Variants in RNF220 observed in about 807,000 individuals in gnomAD.
The protein encoded by RNF220 is E3 ubiquitin-protein ligase RNF220.
A neutral mutation model predicts 67.1 loss-of-function variants in RNF220; 7 were observed. That is an observed-to-expected ratio of 0.10 (90% confidence interval 0.06 to 0.20). The LOEUF (loss-of-function observed/expected upper bound fraction) is 0.20. Ranked by LOEUF, RNF220 falls within the 10% of genes least tolerant of loss-of-function variation. RNF220 has a pLI of 1.00. For missense variants in RNF220, 565 were observed against 740.3 expected, an observed-to-expected ratio of 0.76 and a Z score of 2.75; for synonymous variants, 270 against 283.2, an observed-to-expected ratio of 0.95 and a Z score of 0.47.
chr1:44,454,055 A>G (rs1652937053), intron 2 of RNF220, among the ~76,000 whole-genome samples: 1 of 152,086 alleles, frequency 6.6e-6, no homozygotes, highest in African/African-American at 2.4e-5. Context: ...GAGTCAAAAC[A>G]TCTTAGTATC....
At chr1:44,444,928 A>G (rs1651928387) in intron 2 of RNF220, among the ~76,000 whole-genome samples, 1 of 152,230 alleles carries the variant, frequency 6.6e-6, no homozygotes, top group Non-Finnish European at 1.5e-5. Flanking sequence ...CTTCAACTTT[A>G]CTAGCTAATG....
At chr1:44,590,412 G>A (rs939216025) in intron 2 of RNF220, among the ~76,000 whole-genome samples, 4 of 152,158 alleles carry the variant, frequency 2.6e-5, no homozygotes, top group African/African-American at 4.8e-5. Context: ...CATCCTTCAC[G>A]GGGCTTCCTC....
At chr1:44,456,571 C>T (rs759341476) in intron 2 of RNF220, among the ~76,000 whole-genome samples, 62 of 152,080 alleles carry the variant, frequency 4.1e-4, no homozygotes, top group Non-Finnish European at 6.0e-4. Context: ...AGACCAAGTC[C>T]CTGTCCTCAA....
intron 2 of RNF220, among the ~76,000 whole-genome samples, chr1:44,465,298 A>T (rs1654172354): frequency 6.6e-6 from 1 of 152,080 alleles, no homozygotes. Context: ...TAGTCACAAT[A>T]ATCCTTCCCA....
chr1:44,520,724 C>T (rs1326298212), intron 2 of RNF220, among the ~76,000 whole-genome samples: 2 of 152,168 alleles, frequency 1.3e-5, no homozygotes, highest in Non-Finnish European at 2.9e-5. Context: ...ATTATAATTC[C>T]TGTTTTTCTC....
At chr1:44,426,556 A>G (rs1216449289) in intron 2 of RNF220, among the ~76,000 whole-genome samples, 2 of 152,026 alleles carry the variant, frequency 1.3e-5, no homozygotes, top group Admixed American at 6.5e-5. Flanking sequence ...GCAAAACCCC[A>G]TCTCTACTAA....
intron 2 of RNF220, among the ~76,000 whole-genome samples, chr1:44,462,639 T>C (rs1653890537): frequency 6.6e-6 from 1 of 152,112 alleles, no homozygotes; most frequent in African/African-American, 2.4e-5. Flanking sequence ...TCAACAATGG[T>C]AGAAAAAAGA....
intron 2 of RNF220, among the ~76,000 whole-genome samples, chr1:44,420,635 G>A (rs756220963): frequency 2.8e-4 from 43 of 152,256 alleles, no homozygotes; most frequent in Non-Finnish European, 5.6e-4. Context: ...CAAAGGTGGG[G>A]AGGCAATGTA....
chr1:44,576,642 T>G (rs1312757768), intron 2 of RNF220, among the ~76,000 whole-genome samples: 1 of 151,970 alleles, frequency 6.6e-6, no homozygotes, highest in Non-Finnish European at 1.5e-5. Flanking sequence ...GCTGAGCAGC[T>G]GGGCTCCATC....
chr1:44,541,028 AT>A (rs1331796645), intron 2 of RNF220, among the ~76,000 whole-genome samples: 1 of 152,174 alleles, frequency 6.6e-6, no homozygotes, highest in Non-Finnish European at 1.5e-5. Flanking sequence ...TTTCCCTTAG[AT>A]TCTTTCACTT....
At chr1:44,627,232 C>T (rs1267973604) in intron 5 of RNF220, among the ~76,000 whole-genome samples, 4 of 150,030 alleles carry the variant, frequency 2.7e-5, no homozygotes, top group African/African-American at 9.9e-5. Flanking sequence ...GTAATCCCAG[C>T]TACTCCGGAG....
intron 2 of RNF220, among the ~76,000 whole-genome samples, chr1:44,500,000 C>T (rs1017814305): frequency 1.9e-5 from 1 of 51,616 alleles, no homozygotes; most frequent in African/African-American, 4.6e-5. Context: ...TTCTCTCCAT[C>T]TCTACCACAT....
chr1:44,610,311 CG>C (rs1643228728), intron 2 of RNF220, among the ~76,000 whole-genome samples: 3 of 152,184 alleles, frequency 2.0e-5, no homozygotes, highest in African/African-American at 7.2e-5. Context: ...AGGCAGCGCC[CG>C]GGGATTAGCA....
At chr1:44,540,797 T>G (rs1047599717) in intron 2 of RNF220, among the ~76,000 whole-genome samples, 1 of 152,156 alleles carries the variant, frequency 6.6e-6, no homozygotes, top group Non-Finnish European at 1.5e-5. Context: ...CCAGTGTCTC[T>G]GTCCAGAACC....
intron 6 of RNF220, among the ~76,000 whole-genome samples, chr1:44,634,985 C>T (rs1644282553): frequency 6.6e-6 from 1 of 152,150 alleles, no homozygotes; most frequent in Admixed American, 6.5e-5. Context: ...TCAGTCTCCT[C>T]TTCTGTGAAA....
Position 44,459,186 on chromosome 1 carries a change from G to T in RNF220, c.625+46464G>T, listed in dbSNP as rs1260000835. Among the ~76,000 whole-genome samples the T allele has an allele frequency of 8.6e-5, 13 of 151,456 alleles. No homozygotes were observed. The Middle Eastern group carries it at 0.01, about 122-fold the overall frequency. ...TTTACCATGGTGATTCTTTTGGTGG[G>T]TTTTTTTTTAATTTCAAGGTTTTTC... On this transcript the variant is annotated intron_variant, in intron 2 of 14. Coordinates refer to ENST00000361799, the MANE Select transcript of RNF220 (RefSeq NM_018150.4).
At chr1:44,534,914 C>T (rs967919103) in intron 2 of RNF220, among the ~76,000 whole-genome samples, 1 of 152,146 alleles carries the variant, frequency 6.6e-6, no homozygotes, top group African/African-American at 2.4e-5. Context: ...CAGAAATTTA[C>T]TAAATGTTTT....
In RNF220 at chr1:44,645,897, A is replaced by G. The variant is rs1016900365; in HGVS notation, c.1445+409A>G. Among the ~76,000 whole-genome samples, 1 of 152,184 alleles carries G rather than the reference A, an allele frequency of 6.6e-6. No homozygotes were observed. The highest frequency in any genetic ancestry group is 1.5e-5 in the Non-Finnish European group (1 of 68,034). On this transcript the variant is annotated intron_variant, in intron 12 of 14. Transcript: ENST00000361799. This position sits in a 1 kb window ranked among gnomAD's most constrained non-coding sequence, Gnocchi z 5.0. ...GCACTCGCAGTGGATTTTAGGCAGG[A>G]ACATTGGGTATCATCACTTCTGGTA...
At chr1:44,536,599 A>C (rs76539137) in intron 2 of RNF220, among the ~76,000 whole-genome samples, 5,795 of 152,220 alleles carry the variant, frequency 0.038, 407 homozygotes, top group East Asian at 0.31. Context: ...GAGCTGGGGA[A>C]GGACGGATCT....
Sources: allele counts gnomAD v4.1 joint callset (sites outside exome capture counted in the v4.1 genomes callset), GRCh38; gene constraint gnomAD v4.1.1; non-coding constraint Gnocchi (gnomAD v3.1); transcripts MANE v1.5; gene names NCBI Gene and HGNC (gene_info 2026-07-23, HGNC 2026-07-21).